DIAPH3: variants seen among roughly 807,000 people sequenced by gnomAD.
DIAPH3 encodes the protein protein diaphanous homolog 3.
DIAPH3 carries 117 observed loss-of-function variants against 144.3 expected under a neutral mutation model. The ratio of observed to expected loss-of-function variants is 0.81; its 90% CI spans 0.70 to 0.95. The LOEUF (loss-of-function observed/expected upper bound fraction) is 0.95. Ranked by LOEUF, DIAPH3 falls within the 40% of genes least tolerant of loss-of-function variation. DIAPH3 has a pLI of 0.00. For missense variants in DIAPH3, 1,421 were observed against 1,412.7 expected, an observed-to-expected ratio of 1.01 and a Z score of -0.09; for synonymous variants, 519 against 488.9, an observed-to-expected ratio of 1.06 and a Z score of -0.81.
At chr13:60,147,355 TTCA>T (rs1461805722) in intron 1 of DIAPH3, 1 of 152,192 alleles carries the variant, frequency 6.6e-6, no homozygotes, top group African/African-American at 2.4e-5. Context: ...GGTAAATTTG[TTCA>T]TCAATCTACT....
intron 23 of DIAPH3, among the ~76,000 whole-genome samples, chr13:59,834,494 G>A (rs954766419): frequency 6.6e-6 from 1 of 151,554 alleles, no homozygotes; most frequent in African/African-American, 2.4e-5. Flanking sequence ...GGTTCTTCTG[G>A]CCAGAACTTA....
chr13:59,923,597 C>T (rs916221168), intron 18 of DIAPH3, among the ~76,000 whole-genome samples: 1 of 152,108 alleles, frequency 6.6e-6, no homozygotes, highest in Non-Finnish European at 1.5e-5. Context: ...CCAGGGGGAG[C>T]TTCTTCAACC....
intron 5 of DIAPH3, chr13:60,034,758 C>G (rs1418050363): frequency 6.6e-6 from 1 of 152,104 alleles, no homozygotes; most frequent in Non-Finnish European, 1.5e-5. Context: ...GCCACCATGC[C>G]CAGCTCAAAT....
At chr13:59,772,027 A>G (rs1368569551) in intron 27 of DIAPH3, among the ~76,000 whole-genome samples, 1 of 152,086 alleles carries the variant, frequency 6.6e-6, no homozygotes, top group Non-Finnish European at 1.5e-5. Flanking sequence ...GAAAATATAA[A>G]TATTAGACAT....
intron 27 of DIAPH3, among the ~76,000 whole-genome samples, chr13:59,672,065 A>ATT (rs1384626632): frequency 6.6e-6 from 1 of 152,238 alleles, no homozygotes; most frequent in Non-Finnish European, 1.5e-5. Context: ...ATGTATATAT[A>ATT]TGTGAATATA....
chr13:59,958,944 C>T (rs2049577697), intron 17 of DIAPH3, among the ~76,000 whole-genome samples: 1 of 143,552 alleles, frequency 7.0e-6, no homozygotes, highest in Non-Finnish European at 1.5e-5. Flanking sequence ...GGCACGATCT[C>T]GGCTCACTGC....
chr13:60,128,092 GT>G (rs1223920460), intron 2 of DIAPH3, among the ~76,000 whole-genome samples: 3 of 151,992 alleles, frequency 2.0e-5, no homozygotes, highest in African/African-American at 7.2e-5. Context: ...CCCAGTGTCT[GT>G]TTTTCCCCTC....
In DIAPH3 at chr13:59,861,511, T is replaced by C. The variant is rs1368482304; in HGVS notation, c.2633A>G (p.Gln878Arg). The C allele has an allele frequency of 3.7e-6, 6 of 1,613,812 alleles. No individual in the cohort carries two copies. Among genetic ancestry groups the C allele is most frequent in the Non-Finnish European group, 5.1e-6 (6 of 1,179,862 alleles). The change falls in exon 22 of 28, where the codon CAG (glutamine) becomes CGG (arginine). Residue 878 changes from glutamine to arginine, a missense_variant. Transcript: ENST00000400324. ...CAGGAAATGAAGTAGCGTTGTTTTCTGATCTGCTGATTTTGTGTCCTTTAG... is the reference window on the plus strand; with the variant it reads ...CAGGAAATGAAGTAGCGTTGTTTTCCGATCTGCTGATTTTGTGTCCTTTAG... ...CKLKDTKSAD[Q>R]KTTLLHFLVE...
chr13:59,735,548 G>A (rs962968418), intron 27 of DIAPH3, among the ~76,000 whole-genome samples: 3 of 152,050 alleles, frequency 2.0e-5, no homozygotes. Flanking sequence ...AAGACCATAA[G>A]GCATTTATAT....
chr13:60,124,590 T>C (rs1272288174), intron 2 of DIAPH3, among the ~76,000 whole-genome samples: 2 of 152,130 alleles, frequency 1.3e-5, no homozygotes, highest in South Asian at 4.1e-4. Context: ...TATGATACAA[T>C]TTCTCTTTTC....
chr13:59,831,736 T>C (rs938667212), intron 24 of DIAPH3, among the ~76,000 whole-genome samples: 7 of 151,846 alleles, frequency 4.6e-5, no homozygotes, highest in Non-Finnish European at 8.8e-5. Context: ...AGGCAGGATA[T>C]TTCTAGGTCT....
At chr13:59,780,540 C>A (rs1000673973) in intron 25 of DIAPH3, among the ~76,000 whole-genome samples, 1 of 152,086 alleles carries the variant, frequency 6.6e-6, no homozygotes, top group Non-Finnish European at 1.5e-5. Flanking sequence ...AATAACTAGA[C>A]TAACTGCAAA....
chr13:60,025,315 G>A (rs1343409755), intron 5 of DIAPH3, among the ~76,000 whole-genome samples: 2 of 142,612 alleles, frequency 1.4e-5, no homozygotes, highest in East Asian at 2.1e-4. Flanking sequence ...CAAACTCACC[G>A]CCATATTGTT....
chr13:59,908,173 A>G (rs1211997138), intron 20 of DIAPH3, among the ~76,000 whole-genome samples: 1 of 151,940 alleles, frequency 6.6e-6, no homozygotes, highest in Non-Finnish European at 1.5e-5. Flanking sequence ...GATCAAGACC[A>G]TCCTGGCCAA....
intron 22 of DIAPH3, among the ~76,000 whole-genome samples, chr13:59,840,673 A>T (rs777543835): frequency 2.6e-5 from 4 of 151,948 alleles, no homozygotes; most frequent in African/African-American, 9.7e-5. Flanking sequence ...CTCAGATGCA[A>T]CGTTTAAGGA....
intron 1 of DIAPH3, among the ~76,000 whole-genome samples, chr13:60,153,053 C>T (rs1376199188): frequency 6.6e-6 from 1 of 152,094 alleles, no homozygotes; most frequent in South Asian, 2.1e-4. Flanking sequence ...GAATGACCCA[C>T]TCTATAACCA....
intron 13 of DIAPH3, among the ~76,000 whole-genome samples, chr13:59,982,358 C>A (rs1450293567): frequency 5.3e-5 from 8 of 151,514 alleles, no homozygotes; most frequent in African/African-American, 1.7e-4. Context: ...AATCATTCCA[C>A]ATTTTAGTTT....
intron 5 of DIAPH3, among the ~76,000 whole-genome samples, chr13:60,017,019 GAT>G (rs1382433838): frequency 6.6e-6 from 1 of 152,022 alleles, no homozygotes; most frequent in East Asian, 1.9e-4. Context: ...GGAAAGAAAA[GAT>G]ATATGTGTGT....
In DIAPH3 at chr13:60,016,119, C is replaced by G. The variant is rs1003288220; in HGVS notation, c.653G>C (p.Gly218Ala). The change falls in exon 6 of 28, where the codon GGG becomes GCG. Residue 218 changes from glycine to alanine, a missense_variant. Physicochemically the swap from Gly to Ala is moderately conservative, Grantham distance 60. Transcript: ENST00000400324. ...VSWVESFGHE[G>A]LGLLLDILEK... ...CAAAATGTCTAATAATAATCCAAGCCCTTCATGTCCAAAGCTTTCCACCCA... is the reference window on the plus strand; with the variant it reads ...CAAAATGTCTAATAATAATCCAAGCGCTTCATGTCCAAAGCTTTCCACCCA... 2 of 1,613,544 alleles carry G rather than the reference C, an allele frequency of 1.2e-6. No homozygotes were observed. The highest frequency in any genetic ancestry group is 2.7e-5 in the African/African-American group (2 of 74,874).
Sources: allele counts gnomAD v4.1 joint callset (sites outside exome capture counted in the v4.1 genomes callset), GRCh38; gene constraint gnomAD v4.1.1; transcripts MANE v1.5; gene names NCBI Gene and HGNC (gene_info 2026-07-23, HGNC 2026-07-21).